Variants in EIF4E observed in about 807,000 individuals in gnomAD.
The protein encoded by EIF4E is eukaryotic translation initiation factor 4E.
For missense variants in EIF4E, 113 were observed against 265.6 expected (o/e 0.43, Z 3.99); for synonymous variants, 71 against 88.5 (o/e 0.80, Z 1.11).
At chr4:98,896,749 G>A (rs1724427760) in intron 2 of EIF4E, among the ~76,000 whole-genome samples, 1 of 150,430 alleles carries the variant, frequency 6.6e-6, no homozygotes, top group Admixed American at 6.6e-5. Flanking sequence ...AGGCCGAGGT[G>A]GATGAATTGC....
At chr4:98,901,613 A>C (rs945395319) in intron 2 of EIF4E, among the ~76,000 whole-genome samples, 1 of 152,138 alleles carries the variant, frequency 6.6e-6, no homozygotes, top group Non-Finnish European at 1.5e-5. Context: ...AGTCAAGTTC[A>C]CTTCTCCTTA....
intron 1 of EIF4E, among the ~76,000 whole-genome samples, chr4:98,910,341 G>C (rs1725067811): frequency 6.6e-6 from 1 of 152,042 alleles, no homozygotes; most frequent in African/African-American, 2.4e-5. Context: ...AAGTCCCTGA[G>C]ACATCATATA....
chr4:98,928,128 G>T (rs748752631), intron 1 of EIF4E, among the ~76,000 whole-genome samples: 1 of 152,172 alleles, frequency 6.6e-6, no homozygotes, highest in Non-Finnish European at 1.5e-5. Context: ...ATAAAGACTC[G>T]GAAGAACAGA....
chr4:98,891,803 T>C (rs1724152918), intron 2 of EIF4E, among the ~76,000 whole-genome samples: 1 of 152,248 alleles, frequency 6.6e-6, no homozygotes, highest in Non-Finnish European at 1.5e-5. Context: ...TGTTTATGTT[T>C]ACCACAAAAA....
intron 1 of EIF4E, chr4:98,903,518 AT>A (rs1224795598): frequency 1.1e-5 from 5 of 454,694 alleles, no homozygotes; most frequent in Non-Finnish European, 2.2e-5. Flanking sequence ...ATTCTTTTTT[AT>A]TTTTAGTAGA....
At chr4:98,928,418 C>T (rs1721314815) in intron 1 of EIF4E, among the ~76,000 whole-genome samples, 1 of 152,108 alleles carries the variant, frequency 6.6e-6, no homozygotes, top group African/African-American at 2.4e-5. Flanking sequence ...CACCCCAGAC[C>T]TTTCTCGCTT....
At chr4:98,902,940 T>C (rs1724712767) in intron 1 of EIF4E, among the ~76,000 whole-genome samples, 2 of 152,182 alleles carry the variant, frequency 1.3e-5, no homozygotes, top group Non-Finnish European at 2.9e-5. Context: ...TGGCATACTG[T>C]TTACCCTATC....
chr4:98,881,726 G>C (rs898023545), intron 6 of EIF4E, among the ~76,000 whole-genome samples: 1 of 152,108 alleles, frequency 6.6e-6, no homozygotes, highest in Non-Finnish European at 1.5e-5. Flanking sequence ...TAAACACTTC[G>C]AGGGAGTGAA....
intron 1 of EIF4E, among the ~76,000 whole-genome samples, chr4:98,924,749 G>A (rs1197334809): frequency 6.6e-6 from 1 of 151,852 alleles, no homozygotes; most frequent in Non-Finnish European, 1.5e-5. Flanking sequence ...CCTGCCACCA[G>A]GCCTGGCTAA....
intron 1 of EIF4E, among the ~76,000 whole-genome samples, chr4:98,908,103 A>T (rs17028244): frequency 0.13 from 19,615 of 152,096 alleles, 1,431 homozygotes; most frequent in African/African-American, 0.19. Context: ...TACCTAGGGT[A>T]TGCTCTCTAA....
intron 1 of EIF4E, among the ~76,000 whole-genome samples, chr4:98,923,309 TTTTC>T (rs769969404): frequency 6.7e-5 from 10 of 148,160 alleles, no homozygotes; most frequent in Non-Finnish European, 8.9e-5. Flanking sequence ...CGCAAAATCA[TTTTC>T]TTTTTCTTTT....
At chr4:98,897,725 T>C (rs1463867333) in intron 2 of EIF4E, among the ~76,000 whole-genome samples, 2 of 152,228 alleles carry the variant, frequency 1.3e-5, no homozygotes, top group Non-Finnish European at 2.9e-5. Context: ...CTTAAGATTG[T>C]TGCTTAAAAT....
chr4:98,915,183 T>A (rs558788732), intron 1 of EIF4E, among the ~76,000 whole-genome samples: 1 of 152,278 alleles, frequency 6.6e-6, no homozygotes, highest in Non-Finnish European at 1.5e-5. Flanking sequence ...ACTCCTGGGC[T>A]TAAGCAATTC....
chr4:98,902,077 T>C (rs1472976323), intron 1 of EIF4E, 95 bp from the exon 2 acceptor site: 4 of 1,260,128 alleles, frequency 3.2e-6, no homozygotes, highest in Non-Finnish European at 4.5e-6. Flanking sequence ...GCTGATAATT[T>C]TTTTTTTTTG....
intron 6 of EIF4E, among the ~76,000 whole-genome samples, chr4:98,882,600 T>C (rs769931407): frequency 6.6e-6 from 1 of 152,018 alleles, no homozygotes; most frequent in Non-Finnish European, 1.5e-5. Context: ...AGTAATTTTA[T>C]GGTAACTAAA....
At chr4:98,901,338 C>T (rs1384517453) in intron 2 of EIF4E, among the ~76,000 whole-genome samples, 1 of 152,138 alleles carries the variant, frequency 6.6e-6, no homozygotes, top group East Asian at 1.9e-4. Context: ...GCTGGGATTA[C>T]AGGCGTCTGC....
intron 1 of EIF4E, among the ~76,000 whole-genome samples, chr4:98,911,338 G>A (rs533286839): frequency 2.0e-4 from 29 of 144,866 alleles, no homozygotes; most frequent in Non-Finnish European, 3.2e-4. Context: ...GTGAGCCACC[G>A]CGCCCAGCAC....
intron 1 of EIF4E, among the ~76,000 whole-genome samples, chr4:98,924,829 G>A (rs1437141733): frequency 6.6e-6 from 1 of 151,536 alleles, no homozygotes; most frequent in African/African-American, 2.4e-5. Flanking sequence ...CTGACCTCAA[G>A]TGATCCCCAC....
chr4:98,893,454 T>G (rs190245364), intron 2 of EIF4E, among the ~76,000 whole-genome samples: 1 of 152,382 alleles, frequency 6.6e-6, no homozygotes, highest in Non-Finnish European at 1.5e-5. Flanking sequence ...AACCCTGCAG[T>G]TGCTTTATCA....
Sources: gnomAD v4.1 joint callset for allele counts (sites outside exome capture counted in the v4.1 genomes callset) on GRCh38, gnomAD v4.1.1 for gene constraint, MANE v1.5 for transcripts, NCBI Gene and HGNC (gene_info 2026-07-23, HGNC 2026-07-21) for gene names.